The following SEMA5A variants were observed in gnomAD, a reference collection of about 807,000 sequenced individuals.
The protein encoded by SEMA5A is semaphorin 5A, also known as semaphorin-5A.
A neutral mutation model predicts 135.5 loss-of-function variants in SEMA5A; 55 were observed. The observed-to-expected ratio is 0.41, with a 90% confidence interval of 0.33 to 0.51. The LOEUF (loss-of-function observed/expected upper bound fraction) is 0.51. SEMA5A is among the 20% of genes least tolerant of loss of function. The probability of loss-of-function intolerance (pLI) is 0.37; values close to 1 mark genes in which losing one functional copy is unlikely to be tolerated. For synonymous variants in SEMA5A, 580 were observed against 546.5 expected (o/e 1.06, Z -0.85); for missense variants, 1,290 against 1,419.9 (o/e 0.91, Z 1.47).
At chr5:9,286,540 G>A (rs116190445) in intron 5 of SEMA5A, among the ~76,000 whole-genome samples, 1,718 of 152,088 alleles carry the variant, frequency 0.011, 33 homozygotes, top group African/African-American at 0.039. Flanking sequence ...AGAGAAATGT[G>A]GTCCTCTCCT....
At chr5:9,287,634 G>C (rs927801730) in intron 5 of SEMA5A, among the ~76,000 whole-genome samples, 33 of 152,018 alleles carry the variant, frequency 2.2e-4, no homozygotes, top group Non-Finnish European at 5.9e-5. Context: ...TAGTCAGCAG[G>C]CCAAATCAGG....
At chr5:9,327,967 G>A (rs1391960482) in intron 4 of SEMA5A, among the ~76,000 whole-genome samples, 1 of 151,850 alleles carries the variant, frequency 6.6e-6, no homozygotes, top group Non-Finnish European at 1.5e-5. Flanking sequence ...GATTTCCTAG[G>A]ACTATTCATG....
At chr5:9,388,830 C>T (rs917553563) in intron 2 of SEMA5A, among the ~76,000 whole-genome samples, 3 of 150,712 alleles carry the variant, frequency 2.0e-5, no homozygotes, top group Non-Finnish European at 1.5e-5. Flanking sequence ...ACCTGGGAGG[C>T]GGAGCTTGCA....
intron 12 of SEMA5A, among the ~76,000 whole-genome samples, chr5:9,153,031 G>A (rs1742718659): frequency 6.7e-6 from 1 of 150,294 alleles, no homozygotes; most frequent in Non-Finnish European, 1.5e-5. Context: ...TCACACCACT[G>A]CACTCCAGCC....
chr5:9,157,704 G>A (rs1482468670), intron 11 of SEMA5A, among the ~76,000 whole-genome samples: 1 of 152,192 alleles, frequency 6.6e-6, no homozygotes, highest in Non-Finnish European at 1.5e-5. Context: ...CGGCCACCAG[G>A]AAGCACTTGC....
chr5:9,365,538 A>T (rs1290151755), intron 3 of SEMA5A, among the ~76,000 whole-genome samples: 1 of 152,066 alleles, frequency 6.6e-6, no homozygotes, highest in Non-Finnish European at 1.5e-5. Flanking sequence ...TATCTTGATT[A>T]CTGAGTGTTT....
intron 4 of SEMA5A, among the ~76,000 whole-genome samples, chr5:9,319,283 A>G (rs1439244203): frequency 1.3e-5 from 2 of 152,136 alleles, no homozygotes; most frequent in Non-Finnish European, 2.9e-5. Context: ...AAGAAAAGAA[A>G]CATGAACTTG....
chr5:9,321,339 T>C (rs944796637), intron 4 of SEMA5A, among the ~76,000 whole-genome samples: 3 of 152,158 alleles, frequency 2.0e-5, no homozygotes, highest in African/African-American at 7.2e-5. Context: ...ACCAGGGAAA[T>C]TACTAGCCAT....
intron 7 of SEMA5A, among the ~76,000 whole-genome samples, chr5:9,226,177 T>C (rs1335761702): frequency 6.6e-6 from 1 of 152,218 alleles, no homozygotes; most frequent in Non-Finnish European, 1.5e-5. Flanking sequence ...TAAAAGCAGA[T>C]GGTCAATTAA....
intron 4 of SEMA5A, among the ~76,000 whole-genome samples, chr5:9,334,610 T>C (rs1753299898): frequency 6.6e-6 from 1 of 152,170 alleles, no homozygotes; most frequent in Non-Finnish European, 1.5e-5. Context: ...GGGGTAGAAA[T>C]TGTTGCATCA....
intron 2 of SEMA5A, among the ~76,000 whole-genome samples, chr5:9,386,221 A>G (rs1755881596): frequency 6.6e-6 from 1 of 152,214 alleles, no homozygotes; most frequent in Non-Finnish European, 1.5e-5. Flanking sequence ...GAATGCAGAA[A>G]TACTAAAGAA....
chr5:9,273,168 C>A (rs77308023), intron 5 of SEMA5A, among the ~76,000 whole-genome samples: 12,523 of 152,048 alleles, frequency 0.082, 678 homozygotes, highest in East Asian at 0.24. Context: ...CTGAAAAACA[C>A]AGCAAGAGAA....
At chr5:9,093,215 C>A (rs964550124) in intron 16 of SEMA5A, among the ~76,000 whole-genome samples, 13 of 152,040 alleles carry the variant, frequency 8.6e-5, no homozygotes, top group African/African-American at 3.1e-4. Flanking sequence ...TATCTGAAAC[C>A]ATAACATTAT....
chr5:9,107,750 C>G (rs555434988), intron 16 of SEMA5A, among the ~76,000 whole-genome samples: 7 of 151,966 alleles, frequency 4.6e-5, no homozygotes, highest in African/African-American at 1.4e-4. Context: ...AGTACTTGAC[C>G]ATGTTGTGTT....
chr5:9,418,028 T>G (rs417157), intron 2 of SEMA5A, among the ~76,000 whole-genome samples: 2 of 151,432 alleles, frequency 1.3e-5, no homozygotes, highest in African/African-American at 4.9e-5. Context: ...CCAGGCTGGA[T>G]TGCAGTGGCG....
intron 1 of SEMA5A, among the ~76,000 whole-genome samples, chr5:9,457,925 T>TTTTTTA (rs1758903970): frequency 9.1e-6 from 1 of 110,440 alleles, no homozygotes; most frequent in Non-Finnish European, 1.8e-5. Context: ...TTTTTTTTTT[T>TTTTTTA]GAGACAGAGT....
intron 3 of SEMA5A, among the ~76,000 whole-genome samples, chr5:9,353,159 AAGG>A (rs1220780909): frequency 1.1e-5 from 1 of 88,504 alleles, no homozygotes; most frequent in African/African-American, 4.6e-5. Flanking sequence ...AAGGAAAGGA[AAGG>A]AGGGAAAGGA....
At position 9,169,889 on chromosome 5, in the gene SEMA5A, C is replaced by A. The variant is rs137932926; in HGVS notation, c.1274-15194G>T. On this transcript the variant is annotated intron_variant, in intron 11 of 22. Transcript: ENST00000382496. ...TCATTAGGTGAATATTTATTAAGAA[C>A]TTATTTGGGTCATATTCTGGCTTAG... 3.3e-3 allele frequency among the ~76,000 whole-genome samples: 505 copies of A among 152,282 alleles called. 4 individuals are homozygous for A. Among genetic ancestry groups the A allele is most frequent in the Middle Eastern group, 0.01 (3 of 294 alleles).
chr5:9,503,863 AACAG>A (rs1735719564), intron 1 of SEMA5A, among the ~76,000 whole-genome samples: 1 of 152,244 alleles, frequency 6.6e-6, no homozygotes, highest in African/African-American at 2.4e-5. Context: ...TAATGCCTGG[AACAG>A]ACAAAGTGCT....
Sources: allele counts gnomAD v4.1 joint callset (sites outside exome capture counted in the v4.1 genomes callset), GRCh38; gene constraint gnomAD v4.1.1; transcripts MANE v1.5; gene names NCBI Gene and HGNC (gene_info 2026-07-23, HGNC 2026-07-21).